The following CDH13 variants were observed in gnomAD, a reference collection of about 807,000 sequenced individuals.
CDH13 encodes the protein cadherin 13, also known as cadherin-13.
Under a neutral mutation model 63.8 loss-of-function variants are expected in CDH13, and 24 were observed. The observed-to-expected ratio is 0.38, with a 90% CI of 0.27 to 0.53. The LOEUF (loss-of-function observed/expected upper bound fraction) is 0.53, where lower values mean the gene tolerates loss of function less well. CDH13 is among the 20% of genes least tolerant of loss of function. The probability of loss-of-function intolerance (pLI) is 0.85; values close to 1 mark genes in which losing one functional copy is unlikely to be tolerated. For missense variants in CDH13, 1,049 were observed against 903.1 expected (o/e 1.16, Z -2.07); for synonymous variants, 503 against 355.3 (o/e 1.42, Z -4.67).
chr16:83,191,619 T>A (rs1474504275), intron 4 of CDH13, among the ~76,000 whole-genome samples: 2 of 147,678 alleles, frequency 1.4e-5, no homozygotes, highest in Non-Finnish European at 3.0e-5. Flanking sequence ...GATCACAAGG[T>A]CCCACAATAG....
chr16:82,960,848 T>C (rs1346708618), intron 2 of CDH13, among the ~76,000 whole-genome samples: 3 of 152,186 alleles, frequency 2.0e-5, no homozygotes, highest in Admixed American at 6.5e-5. Context: ...TACAAATAAG[T>C]CTATTGTGAT....
chr16:83,440,817 T>A (rs1427189605), intron 6 of CDH13, among the ~76,000 whole-genome samples: 1 of 147,816 alleles, frequency 6.8e-6, no homozygotes, highest in Non-Finnish European at 1.5e-5. Flanking sequence ...GGGAGGGAGA[T>A]TAATCCTGGT....
In CDH13 at chr16:83,589,273, C is replaced by T. The variant is rs1007816776; in HGVS notation, c.961-13181C>T. On this transcript the variant is annotated intron_variant, in intron 7 of 13. Transcript: ENST00000567109. ...CTCTCTCTTTCCCCTTATTCTTTCT[C>T]CCTTTCCCCCCCCCGGACCCCTCTC... Among the ~76,000 whole-genome samples the T allele has an allele frequency of 1.0e-4, 5 of 48,398 alleles. No individual in the cohort carries two copies. In the East Asian group the frequency reaches 1.5e-3, roughly 14 times the overall value. 31.8% of individuals were successfully genotyped at this position (48,398 alleles called of 152,430 possible).
chr16:83,539,911 G>A (rs1372226749), intron 7 of CDH13, among the ~76,000 whole-genome samples: 2 of 152,168 alleles, frequency 1.3e-5, no homozygotes, highest in African/African-American at 4.8e-5. Context: ...CTCCCTGAGG[G>A]AGAATTTGAG....
chr16:82,941,437 T>A (rs7200922), intron 2 of CDH13, among the ~76,000 whole-genome samples: 1 of 152,002 alleles, frequency 6.6e-6, no homozygotes, highest in Non-Finnish European at 1.5e-5. Flanking sequence ...CTCCTAGCTC[T>A]AAGATCAGCT....
intron 6 of CDH13, among the ~76,000 whole-genome samples, chr16:83,425,068 C>G (rs1352654715): frequency 6.6e-6 from 1 of 152,240 alleles, no homozygotes; most frequent in Non-Finnish European, 1.5e-5. Flanking sequence ...CACACCATAG[C>G]ATGCTTACAA....
At chr16:83,767,546 A>T (rs1211165640) in intron 11 of CDH13, among the ~76,000 whole-genome samples, 1 of 152,220 alleles carries the variant, frequency 6.6e-6, no homozygotes, top group Non-Finnish European at 1.5e-5. Flanking sequence ...CAGTATGAGG[A>T]TAGACTAATA....
chr16:83,422,878 A>G lies in CDH13; in HGVS notation c.782-63599A>G, dbSNP rs146206152. Among the ~76,000 whole-genome samples, 134 of 152,312 alleles carry G rather than the reference A, an allele frequency of 8.8e-4. 1 individual carries two copies. Among genetic ancestry groups the G allele is most frequent in the African/African-American group, 3.1e-3 (128 of 41,586 alleles). ...CACTCAGAAATGTTGGGTAGGAACA[A>G]TGGTTATGATGATCATGATAAAGGA... On this transcript the variant is annotated intron_variant, in intron 6 of 13. Transcript: ENST00000567109.
intron 2 of CDH13, among the ~76,000 whole-genome samples, chr16:83,022,779 G>A (rs763153500): frequency 1.3e-5 from 2 of 152,192 alleles, no homozygotes; most frequent in Non-Finnish European, 1.5e-5. Context: ...CATTTGCAAA[G>A]CCTCTACAAA....
rs921916569 is a variant in CDH13, at chr16:83,558,641, CT to C, written c.961-43805del. The stretch of plus-strand genomic sequence containing the variant: ...TGAATGCAAGTGGAACTTTTTTTCC[CT>C]TTTTTTTCAAAAGCTAAATTGCCTG... On this transcript the variant is annotated intron_variant, in intron 7 of 13. Transcript: ENST00000567109. Among the ~76,000 whole-genome samples the C allele has an allele frequency of 2.6e-5, 4 of 151,638 alleles. 1 individual carries two copies. Among genetic ancestry groups the C allele is most frequent in the South Asian group, 2.1e-4 (1 of 4,802 alleles).
intron 2 of CDH13, among the ~76,000 whole-genome samples, chr16:82,922,411 G>C (rs922826899): frequency 6.6e-6 from 1 of 152,136 alleles, no homozygotes; most frequent in African/African-American, 2.4e-5. Context: ...CACATGCCAG[G>C]GAGTAGAACT....
At chr16:83,126,796 A>G (rs1054078145) in intron 4 of CDH13, among the ~76,000 whole-genome samples, 1 of 152,244 alleles carries the variant, frequency 6.6e-6, no homozygotes, top group Non-Finnish European at 1.5e-5. Flanking sequence ...TTAAATACAC[A>G]GTACATGTGA....
chr16:83,740,023 T>C (rs903912917), intron 10 of CDH13: 1 of 152,108 alleles, frequency 6.6e-6, no homozygotes, highest in Non-Finnish European at 1.5e-5. Flanking sequence ...GCTGAGATCC[T>C]ACAAAGCACA....
intron 4 of CDH13, among the ~76,000 whole-genome samples, chr16:83,200,617 T>G (rs556794481): frequency 1.3e-5 from 2 of 152,176 alleles, no homozygotes; most frequent in Non-Finnish European, 2.9e-5. Context: ...ATTGGGCAAT[T>G]GTGTTTACCC....
chr16:82,746,038 C>A (rs1009191656), intron 1 of CDH13, among the ~76,000 whole-genome samples: 1 of 152,024 alleles, frequency 6.6e-6, no homozygotes, highest in Non-Finnish European at 1.5e-5. Flanking sequence ...TTAGTCATAA[C>A]GTTTTAAAAA....
intron 6 of CDH13, among the ~76,000 whole-genome samples, chr16:83,467,336 C>G (rs1174154623): frequency 1.3e-5 from 2 of 152,292 alleles, no homozygotes; most frequent in African/African-American, 4.8e-5. Flanking sequence ...TGACAGATTT[C>G]TTTTCCTGTA....
chr16:83,621,306 G>A (rs1314746012), intron 8 of CDH13, among the ~76,000 whole-genome samples: 1 of 152,038 alleles, frequency 6.6e-6, no homozygotes, highest in Non-Finnish European at 1.5e-5. Context: ...AGCTCTGTAG[G>A]ATTCCTTGCC....
At chr16:82,791,522 C>T (rs1247669459) in intron 1 of CDH13, among the ~76,000 whole-genome samples, 1 of 152,158 alleles carries the variant, frequency 6.6e-6, no homozygotes, top group African/African-American at 2.4e-5. Context: ...GCTCTGTTTT[C>T]ACTCTGTTAA....
intron 6 of CDH13, among the ~76,000 whole-genome samples, chr16:83,457,260 C>T (rs745851422): frequency 6.6e-6 from 1 of 152,166 alleles, no homozygotes; most frequent in Admixed American, 6.5e-5. Flanking sequence ...AAACACTCAG[C>T]ACGTGCCTGG....
Sources: gnomAD v4.1 joint callset for allele counts (sites outside exome capture counted in the v4.1 genomes callset) on GRCh38, gnomAD v4.1.1 for gene constraint, MANE v1.5 for transcripts, NCBI Gene and HGNC (gene_info 2026-07-23, HGNC 2026-07-21) for gene names.